The following TUSC3 variants were observed in gnomAD, a reference collection of about 807,000 sequenced individuals.
TUSC3 encodes the protein dolichyl-diphosphooligosaccharide--protein glycosyltransferase subunit TUSC3.
TUSC3 carries 45 observed loss-of-function variants against 44.8 expected under a neutral mutation model. That is an observed-to-expected ratio of 1.00 (90% CI 0.79 to 1.29). The LOEUF (loss-of-function observed/expected upper bound fraction) is 1.29. TUSC3 is among the 50% of genes most tolerant of loss of function. The pLI is 0.00. For missense variants in TUSC3, 519 were observed against 437.9 expected, an observed-to-expected ratio of 1.19 and a Z score of -1.65; for synonymous variants, 212 against 152.9, an observed-to-expected ratio of 1.39 and a Z score of -2.85.
At chr8:15,770,642 G>T (rs569785474), downstream of TUSC3, among the ~76,000 whole-genome samples, 1 of 152,032 alleles carries the variant, frequency 6.6e-6, no homozygotes, top group Admixed American at 6.5e-5. Context: ...TAATAATATA[G>T]TAATAATTGG....
intron 10 of TUSC3, among the ~76,000 whole-genome samples, chr8:15,763,965 C>G (rs1049829910): frequency 6.6e-6 from 1 of 151,934 alleles, no homozygotes; most frequent in Non-Finnish European, 1.5e-5. Context: ...AAATTTAAAC[C>G]ACAAATTAAA....
chr8:15,593,989 TTTGGC>T (rs1256390299), intron 1 of TUSC3, among the ~76,000 whole-genome samples: 1 of 152,188 alleles, frequency 6.6e-6, no homozygotes, highest in East Asian at 1.9e-4. Context: ...CATAACTAAC[TTTGGC>T]ATGTACTAAC....
chr8:15,523,403 T>G (rs1801324129), intron 2 of TUSC3, among the ~76,000 whole-genome samples: 1 of 151,984 alleles, frequency 6.6e-6, no homozygotes, highest in African/African-American at 2.4e-5. Context: ...TCCTTTGTGT[T>G]TTTACTTTCT....
chr8:15,459,858 G>A (rs575319999), intron 1 of TUSC3, among the ~76,000 whole-genome samples: 52 of 138,936 alleles, frequency 3.7e-4, no homozygotes, highest in African/African-American at 1.3e-3. Context: ...GTGTGTGTAT[G>A]TGTGTGTGTG....
chr8:15,846,362 G>A, the TUSC3 span, among the ~76,000 whole-genome samples: 3 of 152,052 alleles, frequency 2.0e-5, no homozygotes, highest in African/African-American at 7.2e-5. Flanking sequence ...ACCCATTACT[G>A]CTACTGAATA....
At chr8:15,723,878 A>G (rs1053105834) in intron 6 of TUSC3, among the ~76,000 whole-genome samples, 12 of 152,140 alleles carry the variant, frequency 7.9e-5, no homozygotes, top group Non-Finnish European at 1.5e-5. Context: ...TATCATGACT[A>G]CATTCCCACT....
chr8:15,425,035 C>G (rs992352642), intron 1 of TUSC3, among the ~76,000 whole-genome samples: 2 of 152,068 alleles, frequency 1.3e-5, no homozygotes, highest in African/African-American at 4.8e-5. Flanking sequence ...CTCAACTCTG[C>G]TTATGAAGGT....
At chr8:15,638,710 G>A (rs927164768) in intron 2 of TUSC3, among the ~76,000 whole-genome samples, 1 of 151,954 alleles carries the variant, frequency 6.6e-6, no homozygotes, top group Non-Finnish European at 1.5e-5. Flanking sequence ...ATTTTTAATA[G>A]AGACAGGGTT....
chr8:15,451,150 C>G (rs1336477501), intron 1 of TUSC3, among the ~76,000 whole-genome samples: 1 of 152,194 alleles, frequency 6.6e-6, no homozygotes, highest in East Asian at 1.9e-4. Context: ...GTTGTGATAT[C>G]ATGATATAAT....
chr8:15,626,009 A>G (rs1021609266), intron 2 of TUSC3, among the ~76,000 whole-genome samples: 4 of 152,218 alleles, frequency 2.6e-5, no homozygotes, highest in Non-Finnish European at 5.9e-5. Flanking sequence ...CGAAGAGGCC[A>G]CTGCTATAGT....
At chr8:15,776,014 T>C in the TUSC3 span, among the ~76,000 whole-genome samples, 1 of 152,102 alleles carries the variant, frequency 6.6e-6, no homozygotes, top group African/African-American at 2.4e-5. Flanking sequence ...TACTGTATAG[T>C]TTGACTGTAG....
At chr8:15,713,714 T>G (rs1415658963) in intron 6 of TUSC3, among the ~76,000 whole-genome samples, 1 of 152,066 alleles carries the variant, frequency 6.6e-6, no homozygotes, top group Non-Finnish European at 1.5e-5. Context: ...CTTTTTTTTA[T>G]AAAGATGCCA....
chr8:15,564,673 C>T (rs1300885990), intron 1 of TUSC3, among the ~76,000 whole-genome samples: 4 of 152,136 alleles, frequency 2.6e-5, no homozygotes, highest in Non-Finnish European at 4.4e-5. Flanking sequence ...AGCTAGATGA[C>T]ATTTCCCAGT....
At chr8:15,844,163 A>C in the TUSC3 span, among the ~76,000 whole-genome samples, 9 of 151,788 alleles carry the variant, frequency 5.9e-5, no homozygotes, top group African/African-American at 2.2e-4. Flanking sequence ...TAATGAAGGG[A>C]TGGCAAAAAA....
intron 1 of TUSC3, among the ~76,000 whole-genome samples, chr8:15,451,702 G>C (rs1045247955): frequency 1.2e-4 from 18 of 152,272 alleles, no homozygotes; most frequent in African/African-American, 4.3e-4. Context: ...TAGGACAAAA[G>C]CACAGGTGAG....
chr8:15,745,834 T>G (rs1811391698), intron 8 of TUSC3, among the ~76,000 whole-genome samples: 1 of 151,868 alleles, frequency 6.6e-6, no homozygotes, highest in African/African-American at 2.4e-5. Context: ...CTTTGGAGAC[T>G]TAGTAAAAAA....
chr8:15,695,257 G>C (rs983147236), intron 6 of TUSC3, among the ~76,000 whole-genome samples: 8 of 152,196 alleles, frequency 5.3e-5, no homozygotes, highest in African/African-American at 1.7e-4. Context: ...GGAGGTAATT[G>C]AATCATGGGG....
chr8:15,564,253 C>CT (rs1219277823), intron 1 of TUSC3, among the ~76,000 whole-genome samples: 1 of 151,910 alleles, frequency 6.6e-6, no homozygotes, highest in Non-Finnish European at 1.5e-5. Context: ...TAGTAGATAA[C>CT]TAAGTTTGGG....
At chr8:15,607,737 C>T (rs2129157418) in intron 1 of TUSC3, among the ~76,000 whole-genome samples, 1 of 152,202 alleles carries the variant, frequency 6.6e-6, no homozygotes, top group African/African-American at 2.4e-5. Context: ...AGAAAAGTGT[C>T]CTTCCTTCAA....
Sources: gnomAD v4.1 joint callset for allele counts (sites outside exome capture counted in the v4.1 genomes callset) on GRCh38, gnomAD v4.1.1 for gene constraint, MANE v1.5 for transcripts, NCBI Gene and HGNC (gene_info 2026-07-23, HGNC 2026-07-21) for gene names.